The following PDPN variants were observed in gnomAD, a reference collection of about 807,000 sequenced individuals.
The protein encoded by PDPN is podoplanin.
PDPN carries 12 observed loss-of-function variants against 23.2 expected under a neutral mutation model. The observed-to-expected ratio is 0.52, with a 90% confidence interval of 0.33 to 0.84. The LOEUF is 0.84. Among genes scored for constraint, PDPN ranks in the 40% least tolerant of loss-of-function variants. PDPN has a pLI of 0.02. For missense variants in PDPN, 199 were observed against 212.2 expected, an observed-to-expected ratio of 0.94 and a Z score of 0.39; for synonymous variants, 77 against 76.7, an observed-to-expected ratio of 1.00 and a Z score of -0.02.
At chr1:13,593,756 A>C (rs939963414) in intron 1 of PDPN, among the ~76,000 whole-genome samples, 1 of 152,152 alleles carries the variant, frequency 6.6e-6, no homozygotes, top group Admixed American at 6.5e-5. Context: ...TTCCGAGCAG[A>C]CGGCAAGTGC....
At chr1:13,604,692 T>C (rs1219452316) in intron 1 of PDPN, among the ~76,000 whole-genome samples, 1 of 152,216 alleles carries the variant, frequency 6.6e-6, no homozygotes, top group Non-Finnish European at 1.5e-5. Context: ...AAAACGTTTT[T>C]AAAATTGATG....
At chr1:13,602,100 G>A (rs1358631969) in intron 1 of PDPN, among the ~76,000 whole-genome samples, 1 of 151,726 alleles carries the variant, frequency 6.6e-6, no homozygotes, top group Non-Finnish European at 1.5e-5. Flanking sequence ...GCCGAGGCGG[G>A]TGGATCACAA....
intron 4 of PDPN, 57 bp from the exon 5 acceptor site, chr1:13,614,243 T>A (rs1236028410): frequency 2.3e-6 from 2 of 858,718 alleles, no homozygotes; most frequent in Non-Finnish European, 4.0e-6. Context: ...TTACATATTT[T>A]ATCACCGATG....
intron 1 of PDPN, chr1:13,595,986 T>A: frequency 1.5e-6 from 1 of 653,316 alleles, no homozygotes; most frequent in Non-Finnish European, 2.4e-6. Context: ...TCACCTGAGG[T>A]CAGGAGTTTG....
intron 1 of PDPN, 189 bp downstream of exon 1, chr1:13,584,289 G>A: frequency 6.6e-7 from 1 of 1,524,760 alleles, no homozygotes; most frequent in Non-Finnish European, 8.8e-7. Context: ...AGGTCCCAAA[G>A]ACGCAGCTGC....
chr1:13,597,251 TC>T (rs1468737809), intron 1 of PDPN, among the ~76,000 whole-genome samples: 1 of 152,164 alleles, frequency 6.6e-6, no homozygotes, highest in African/African-American at 2.4e-5. Context: ...TAGCCACAAG[TC>T]ATTCCAACAC....
intron 1 of PDPN, among the ~76,000 whole-genome samples, chr1:13,598,973 C>G (rs1455550035): frequency 6.7e-6 from 1 of 150,062 alleles, no homozygotes; most frequent in East Asian, 1.9e-4. Flanking sequence ...GGGAGGGGTA[C>G]TCGCTTAAAT....
At position 13,588,138 on chromosome 1, in the gene PDPN, TACAC is replaced by T. The variant is rs34227537; in HGVS notation, c.67+4051_67+4054del. On this transcript the variant is annotated intron_variant, in intron 1 of 5. Transcript: ENST00000621990. ...ATGAACCCGCCCCCCCAAACACACA[TACAC>T]ACACACACACACCCCTGGAGAAAGA... 2.3e-4 allele frequency among the ~76,000 whole-genome samples: 35 copies of T among 150,634 alleles called. 1 individual carries two copies. The East Asian group carries it at 6.5e-3, about 28-fold the overall frequency.
chr1:13,604,070 G>T (rs909865820), intron 1 of PDPN, among the ~76,000 whole-genome samples: 1 of 152,164 alleles, frequency 6.6e-6, no homozygotes, highest in African/African-American at 2.4e-5. Flanking sequence ...TAGGTTGTGG[G>T]TATTGGTTTA....
chr1:13,584,111 GCGCAAGTGGCTTCCTGC>G lies in PDPN; in HGVS notation c.67+14_67+30del. ...TCCTGGCAGAAGGAGGTAAGACCCAGCGCAAGTGGCTTCCTGCCGTCGCTGATGGGGACGAGCGAGCA... is the reference window on the plus strand; with the variant it reads ...TCCTGGCAGAAGGAGGTAAGACCCAGCGTCGCTGATGGGGACGAGCGAGCA... On this transcript the variant is annotated intron_variant, in intron 1 of 5. Coordinates refer to ENST00000621990, the MANE Select transcript of PDPN (RefSeq NM_006474.5). 1 of 1,612,560 alleles carries G rather than the reference GCGCAAGTGGCTTCCTGC, an allele frequency of 6.2e-7. No homozygotes were observed. The highest frequency in any genetic ancestry group is 1.6e-4 in the Middle Eastern group (1 of 6,062).
chr1:13,597,537 CT>C (rs373274292), intron 1 of PDPN, among the ~76,000 whole-genome samples: 2 of 152,298 alleles, frequency 1.3e-5, no homozygotes, highest in African/African-American at 4.8e-5. Flanking sequence ...GAAGAAACTT[CT>C]CACTCACGTC....
At chr1:13,594,684 T>C (rs1640441395) in intron 1 of PDPN, among the ~76,000 whole-genome samples, 1 of 152,092 alleles carries the variant, frequency 6.6e-6, no homozygotes, top group Admixed American at 6.5e-5. Flanking sequence ...TTTGCAAGAC[T>C]TCTGTAAAGA....
chr1:13,600,723 G>C (rs375166843), intron 1 of PDPN, among the ~76,000 whole-genome samples: 2 of 152,234 alleles, frequency 1.3e-5, no homozygotes, highest in East Asian at 3.9e-4. Flanking sequence ...TGTTGAAATT[G>C]TACGGAAGAC....
At position 13,615,953 on chromosome 1, in the gene PDPN, A is replaced by T; in HGVS notation, c.*42A>T. ...GCCCTGCTGCCAACGTGCTTAAAAA[A>T]AGACCGTTTCTGACTCTGTGCCCTG... On this transcript the variant is annotated 3_prime_UTR_variant, in exon 6 of 6. Transcript: ENST00000621990. 1 of 1,601,488 alleles carries T rather than the reference A, an allele frequency of 6.2e-7. No individual in the cohort carries two copies. The highest frequency in any genetic ancestry group is 8.6e-7 in the Non-Finnish European group (1 of 1,168,490).
chr1:13,614,237 A>G, intron 4 of PDPN, 63 bp from the exon 5 acceptor site: 3 of 829,418 alleles, frequency 3.6e-6, no homozygotes. Context: ...TATATGTTAC[A>G]TATTTTATCA....
intron 4 of PDPN, 44 bp from the exon 5 acceptor site, chr1:13,614,255 AT>A: frequency 2.0e-6 from 2 of 1,001,104 alleles, no homozygotes; most frequent in Non-Finnish European, 3.2e-6. Context: ...TCACCGATGT[AT>A]TTTTTCCTCT....
At chr1:13,590,957 T>C (rs940011193) in intron 1 of PDPN, among the ~76,000 whole-genome samples, 7 of 151,974 alleles carry the variant, frequency 4.6e-5, no homozygotes, top group African/African-American at 1.5e-4. Context: ...TTTCTTTTTT[T>C]TTCAGATGGA....
chr1:13,587,563 G>A (rs1344425021), intron 1 of PDPN, among the ~76,000 whole-genome samples: 1 of 152,134 alleles, frequency 6.6e-6, no homozygotes, highest in Non-Finnish European at 1.5e-5. Flanking sequence ...ATGCTGTAGG[G>A]CTTTTCCAGG....
intron 1 of PDPN, among the ~76,000 whole-genome samples, chr1:13,592,756 G>A (rs1022793505): frequency 6.6e-6 from 1 of 151,934 alleles, no homozygotes; most frequent in African/African-American, 2.4e-5. Context: ...CTCCATGTTG[G>A]TCAGGCTGGT....
Sources: gnomAD v4.1 joint callset for allele counts (sites outside exome capture counted in the v4.1 genomes callset) on GRCh38, gnomAD v4.1.1 for gene constraint, MANE v1.5 for transcripts, NCBI Gene and HGNC (gene_info 2026-07-23, HGNC 2026-07-21) for gene names.